The following HDX variants were observed in gnomAD, a reference collection of about 807,000 sequenced individuals.
HDX encodes the protein highly divergent homeobox.
Under a neutral mutation model 45.2 loss-of-function variants are expected in HDX, and 19 were observed. The observed-to-expected ratio is 0.42, with a 90% CI of 0.29 to 0.62. The LOEUF is 0.62. Ranked by LOEUF, HDX falls within the 20% of genes least tolerant of loss-of-function variation. HDX has a pLI of 0.20. For synonymous variants in HDX, 188 were observed against 172.8 expected, an observed-to-expected ratio of 1.09 and a Z score of -0.69; for missense variants, 532 against 493.9, an observed-to-expected ratio of 1.08 and a Z score of -0.73.
chrX:84,496,485 A>C (rs990262379), intron 1 of HDX, among the ~76,000 whole-genome samples: 2 of 110,417 alleles, frequency 1.8e-5, no homozygotes, highest in Non-Finnish European at 3.8e-5. Context: ...GGTGGTGTTC[A>C]TGCTACCACT....
intron 8 of HDX, 53 bp from the exon 9 acceptor site, chrX:84,333,895 C>T (rs1483229941): frequency 4.1e-6 from 2 of 487,309 alleles, no homozygotes; most frequent in Non-Finnish European, 3.5e-6. Context: ...TCTTACTACA[C>T]TCAGCAATGC....
At position 84,481,162 on chromosome X, in the gene HDX, T is replaced by C. The variant is rs146741266; in HGVS notation, c.1-5765A>G. Among the ~76,000 whole-genome samples, 946 of 111,483 alleles carry C rather than the reference T, an allele frequency of 8.5e-3. 11 individuals are homozygous for C. The highest frequency in any genetic ancestry group is 0.03 in the African/African-American group (907 of 30,744). ...ATTGTTTATTATTATTATTTTACTG[T>C]CTGTAGGGCCTGTGGTGATGTACCT... On this transcript the variant is annotated intron_variant, in intron 2 of 10. Transcript: ENST00000373177.
At position 84,440,568 on chromosome X, in the gene HDX, A is replaced by G. The variant is rs1052939632; in HGVS notation, c.1269T>C (p.Thr423=). ...QNNYQISGNL[T]VPWITGCSRK... is the part of the protein sequence containing the mutation. ...TAGAACACCCTGTAATCCAAGGCAC[A>G]GTAAGGTTTCCTGAAATCTGTGAAA... is the stretch of plus-strand genomic sequence containing the variant. Residue 423 remains threonine (T), a synonymous_variant, in exon 5 of 11, where the codon ACT becomes ACC. Transcript: ENST00000373177. 14 of 1,181,214 alleles carry G rather than the reference A, an allele frequency of 1.2e-5. No homozygotes were observed. Among genetic ancestry groups the G allele is most frequent in the Non-Finnish European group, 1.5e-5 (13 of 870,340 alleles).
chrX:84,489,926 T>A (rs2040861143), intron 1 of HDX, among the ~76,000 whole-genome samples: 2 of 112,302 alleles, frequency 1.8e-5, no homozygotes, highest in South Asian at 7.3e-4. Context: ...GGTCTGAAGA[T>A]TTCTTTTAAG....
rs960691113 is a variant in HDX, at chrX:84,320,045, G to C, written c.*1844C>G. 9 of 111,061 alleles carry C rather than the reference G, an allele frequency of 8.1e-5. No homozygotes were observed. The highest frequency in any genetic ancestry group is 1.7e-4 in the Non-Finnish European group (9 of 52,495). The allele number at this position is 111,061 out of a possible 1,213,427, so 9.2% of individuals were successfully genotyped here. A position where few individuals can be genotyped will look rare whatever the true frequency, so the allele number is the denominator to read the frequency against. ...AGATAAACTCAATGACTATGAAGCAGACCCTAGGAGAGACTTGAAGGCCTG... is the reference window on the plus strand; with the variant it reads ...AGATAAACTCAATGACTATGAAGCACACCCTAGGAGAGACTTGAAGGCCTG... On this transcript the variant is annotated 3_prime_UTR_variant, in exon 11 of 11. Coordinates refer to ENST00000373177, the MANE Select transcript of HDX (RefSeq NM_001177479.2).
chrX:84,479,499 A>T (rs956194885), intron 2 of HDX, among the ~76,000 whole-genome samples: 20 of 112,227 alleles, frequency 1.8e-4, no homozygotes, highest in Admixed American at 4.7e-4. Context: ...TGTTATGAAT[A>T]AAGCTGTTAA....
At chrX:84,382,231 T>C (rs949748938) in intron 5 of HDX, among the ~76,000 whole-genome samples, 6 of 111,291 alleles carry the variant, frequency 5.4e-5, no homozygotes, top group South Asian at 7.4e-4. Flanking sequence ...AGGGGAACCA[T>C]TGCACACTGT....
intron 5 of HDX, among the ~76,000 whole-genome samples, chrX:84,389,968 G>A (rs930590432): frequency 9.0e-6 from 1 of 110,912 alleles, no homozygotes; most frequent in Non-Finnish European, 1.9e-5. Flanking sequence ...CTTTTCAGGC[G>A]CTCTCCAGGG....
chrX:84,332,475 G>C (rs1484991973), intron 9 of HDX, among the ~76,000 whole-genome samples: 1 of 110,918 alleles, frequency 9.0e-6, no homozygotes, highest in Admixed American at 9.6e-5. Context: ...GGTTTTTAGC[G>C]CCAAACCTTT....
At chrX:84,411,719 A>G (rs4828263) in intron 5 of HDX, among the ~76,000 whole-genome samples, 20,640 of 110,474 alleles carry the variant, frequency 0.19, 1,933 homozygotes, top group East Asian at 0.68. Flanking sequence ...AAATATCTTC[A>G]TTAGTTTTTG....
intron 5 of HDX, among the ~76,000 whole-genome samples, chrX:84,393,057 A>T (rs1197855012): frequency 9.0e-6 from 1 of 111,316 alleles, no homozygotes; most frequent in African/African-American, 3.3e-5. Context: ...ATTTTATAAC[A>T]TTCTAAAACT....
rs1465344432 is a variant in HDX, at chrX:84,356,911, G to A, written c.1452+4555C>T. 3.6e-5 allele frequency among the ~76,000 whole-genome samples: 4 copies of A among 110,733 alleles called. 1 individual carries two copies. In the Admixed American group the frequency reaches 3.8e-4, roughly 11 times the overall value. Reference sequence around the variant, plus strand: ...GCTGGGATTACAGGCGTGAGCCACCGCGCCCGGCCCTCCTGTGGATATCTT... The same window carrying A: ...GCTGGGATTACAGGCGTGAGCCACCACGCCCGGCCCTCCTGTGGATATCTT... On this transcript the variant is annotated intron_variant, in intron 6 of 10. Transcript: ENST00000373177.
At chrX:84,397,467 T>A (rs2038592646) in intron 5 of HDX, among the ~76,000 whole-genome samples, 1 of 111,287 alleles carries the variant, frequency 9.0e-6, no homozygotes, top group Admixed American at 9.5e-5. Context: ...TCTGCATGGG[T>A]CAAGAGGCTC....
chrX:84,415,169 C>G (rs1345927462), intron 5 of HDX, among the ~76,000 whole-genome samples: 2 of 111,996 alleles, frequency 1.8e-5, no homozygotes, highest in South Asian at 7.4e-4. Flanking sequence ...AATTAAGCTA[C>G]ATTTTCTGAG....
chrX:84,370,268 T>C (rs2037860978), intron 5 of HDX, among the ~76,000 whole-genome samples: 1 of 111,719 alleles, frequency 9.0e-6, no homozygotes, highest in African/African-American at 3.3e-5. Context: ...CTTTCCTCGT[T>C]CGCAGGCCTT....
At chrX:84,409,389 T>C (rs1222693815) in intron 5 of HDX, among the ~76,000 whole-genome samples, 4 of 110,938 alleles carry the variant, frequency 3.6e-5, no homozygotes, top group African/African-American at 1.3e-4. Flanking sequence ...ACCCAAAGGA[T>C]TATAAATCAT....
rs191497855 is a variant in HDX, at chrX:84,410,488, C to T, written c.1305+30044G>A. ...CATTTATTGATTCCAGTATGTTGAA[C>T]AAATCTTGAATCCCAGGAAGAAAAC... On this transcript the variant is annotated intron_variant, in intron 5 of 10. Coordinates refer to ENST00000373177, the MANE Select transcript of HDX (RefSeq NM_001177479.2). 1.7e-3 allele frequency among the ~76,000 whole-genome samples: 193 copies of T among 111,560 alleles called. 1 individual carries two copies. Among genetic ancestry groups the T allele is most frequent in the African/African-American group, 5.9e-3 (181 of 30,700 alleles).
chrX:84,341,937 G>A (rs1375238719), intron 7 of HDX, among the ~76,000 whole-genome samples: 2 of 110,877 alleles, frequency 1.8e-5, no homozygotes, highest in African/African-American at 6.6e-5. Context: ...TGCTTCTTCT[G>A]TTTCTGAATG....
chrX:84,337,451 T>G (rs2036991230), intron 7 of HDX, among the ~76,000 whole-genome samples: 1 of 111,784 alleles, frequency 8.9e-6, no homozygotes, highest in African/African-American at 3.2e-5. Context: ...TTTTTCTGTT[T>G]TCTTTTTGCT....
Sources: gnomAD v4.1 joint callset for allele counts (sites outside exome capture counted in the v4.1 genomes callset) on GRCh38, gnomAD v4.1.1 for gene constraint, MANE v1.5 for transcripts, NCBI Gene and HGNC (gene_info 2026-07-23, HGNC 2026-07-21) for gene names.